ATP9A: variants seen among roughly 807,000 people sequenced by gnomAD.
ATP9A encodes the protein probable phospholipid-transporting ATPase IIA.
Under a neutral mutation model 144.1 loss-of-function variants are expected in ATP9A, and 52 were observed. The observed-to-expected ratio is 0.36, with a 90% CI of 0.29 to 0.45. ATP9A has a LOEUF of 0.45. ATP9A is among the 20% of genes least tolerant of loss of function. ATP9A has a pLI of 1.00. For missense variants in ATP9A, 947 were observed against 1,392.7 expected, an observed-to-expected ratio of 0.68 and a Z score of 5.09; for synonymous variants, 582 against 557.4, an observed-to-expected ratio of 1.04 and a Z score of -0.62.
intron 3 of ATP9A, among the ~76,000 whole-genome samples, chr20:51,716,395 G>A (rs1389115484): frequency 2.0e-5 from 3 of 151,286 alleles, no homozygotes; most frequent in East Asian, 3.9e-4. Flanking sequence ...CCAGGAGTTC[G>A]AGACCAGCCT....
At chr20:51,688,098 C>G (rs1176455906) in intron 9 of ATP9A, among the ~76,000 whole-genome samples, 1 of 152,208 alleles carries the variant, frequency 6.6e-6, no homozygotes, top group Non-Finnish European at 1.5e-5. Flanking sequence ...AGCCTCCGTT[C>G]CGTCATCTGC....
chr20:51,640,303 G>A (rs1252691465), intron 14 of ATP9A, among the ~76,000 whole-genome samples: 1 of 152,166 alleles, frequency 6.6e-6, no homozygotes, highest in African/African-American at 2.4e-5. Context: ...TGTCCCCCAG[G>A]GGACCCGCGC....
At chr20:51,633,687 A>C (rs985141515) in intron 15 of ATP9A, among the ~76,000 whole-genome samples, 3 of 152,072 alleles carry the variant, frequency 2.0e-5, no homozygotes, top group Non-Finnish European at 4.4e-5. Flanking sequence ...TCAAGGCTGC[A>C]ATGAGCCATG....
chr20:51,612,258 A>C (rs1433721797), intron 23 of ATP9A, among the ~76,000 whole-genome samples: 1 of 152,226 alleles, frequency 6.6e-6, no homozygotes, highest in African/African-American at 2.4e-5. Context: ...CGTGAGTTCC[A>C]GGATCTACTG....
Position 51,598,808 on chromosome 20 carries a change from C to A in ATP9A, c.*2403G>T, listed in dbSNP as rs908720667. Reference sequence around the variant, plus strand: ...TCAGGGACCGTCCAGTGAATGGCGTCAGCCAGCTGCCCACTGATGGGATGG... The same window carrying A: ...TCAGGGACCGTCCAGTGAATGGCGTAAGCCAGCTGCCCACTGATGGGATGG... On this transcript the variant is annotated 3_prime_UTR_variant, in exon 28 of 28. Coordinates refer to ENST00000338821, the MANE Select transcript of ATP9A (RefSeq NM_006045.3). 6 of 152,330 alleles carry A rather than the reference C, an allele frequency of 3.9e-5. No homozygotes were observed. Among genetic ancestry groups the A allele is most frequent in the Admixed American group, 1.3e-4 (2 of 15,292 alleles). 9.4% of individuals were successfully genotyped at this position (152,330 alleles called of 1,614,324 possible). A position where few individuals can be genotyped will look rare whatever the true frequency, so the allele number is the denominator to read the frequency against.
At position 51,643,850 on chromosome 20, in the gene ATP9A, T is replaced by C. The variant is rs960962698; in HGVS notation, c.1507-4346A>G. The stretch of plus-strand genomic sequence containing the variant: ...GTAATGATTCGCATATATAAAATCA[T>C]ACCAGCCAGGTGCAGTAGCTCATGT... On this transcript the variant is annotated intron_variant, in intron 14 of 27. Coordinates refer to ENST00000338821, the MANE Select transcript of ATP9A (RefSeq NM_006045.3). Among the ~76,000 whole-genome samples the C allele has an allele frequency of 1.4e-4, 22 of 152,248 alleles. 1 individual carries two copies. The highest frequency in any genetic ancestry group is 5.1e-4 in the African/African-American group (21 of 41,562).
rs76501218 is a variant in ATP9A, at chr20:51,645,594, C to T, written c.1507-6090G>A. Among the ~76,000 whole-genome samples the T allele has an allele frequency of 5.5e-3, 835 of 152,260 alleles. 7 individuals carry two copies. Among genetic ancestry groups the T allele is most frequent in the African/African-American group, 0.019 (783 of 41,546 alleles). On this transcript the variant is annotated intron_variant, in intron 14 of 27. Coordinates refer to ENST00000338821, the MANE Select transcript of ATP9A (RefSeq NM_006045.3). ...CTTTGGGAGCTGATTCCAACAGGAT[C>T]TGAGCCCTGCAGGAAGTCTTTCCTT...
At chr20:51,616,694 G>A (rs979861758) in intron 22 of ATP9A, among the ~76,000 whole-genome samples, 1 of 152,122 alleles carries the variant, frequency 6.6e-6, no homozygotes, top group Non-Finnish European at 1.5e-5. Flanking sequence ...AATTAGGGCC[G>A]AGTAAACTGT....
chr20:51,705,318 T>A (rs910058434), intron 4 of ATP9A, among the ~76,000 whole-genome samples: 1 of 152,080 alleles, frequency 6.6e-6, no homozygotes, highest in Non-Finnish European at 1.5e-5. Flanking sequence ...CACTGAAAAA[T>A]TTGTTGTCTC....
intron 9 of ATP9A, among the ~76,000 whole-genome samples, chr20:51,682,289 G>C (rs2077503079): frequency 6.6e-6 from 1 of 152,120 alleles, no homozygotes; most frequent in African/African-American, 2.4e-5. Context: ...ACTATGTTTA[G>C]GATTTTCTGT....
chr20:51,714,306 C>T (rs754779041), intron 3 of ATP9A, among the ~76,000 whole-genome samples: 12 of 152,162 alleles, frequency 7.9e-5, no homozygotes, highest in African/African-American at 2.4e-4. Context: ...CCTCAGCCTC[C>T]GGAGTAGCTG....
chr20:51,695,466 G>GGA (rs1555837684), intron 6 of ATP9A, among the ~76,000 whole-genome samples: 1 of 124,998 alleles, frequency 8.0e-6, no homozygotes, highest in Non-Finnish European at 1.6e-5. Context: ...CGGTCTCAAG[G>GGA]AAAAAAAAAA....
chr20:51,678,792 T>C (rs1288159540), intron 9 of ATP9A, among the ~76,000 whole-genome samples: 1 of 152,212 alleles, frequency 6.6e-6, no homozygotes, highest in Non-Finnish European at 1.5e-5. Context: ...CCTCTACGTC[T>C]GGCCTGGCTA....
intron 23 of ATP9A, among the ~76,000 whole-genome samples, chr20:51,610,881 G>A (rs1010629913): frequency 3.9e-5 from 6 of 152,150 alleles, no homozygotes; most frequent in African/African-American, 1.4e-4. Flanking sequence ...TTTGCAATTA[G>A]ACAAAAGCAA....
rs531710196 is a variant in ATP9A at position 51,729,464 on chromosome 20, G to A, written c.213+370C>T. 5.3e-5 allele frequency among the ~76,000 whole-genome samples: 8 copies of A among 152,228 alleles called. 1 individual carries two copies. Among genetic ancestry groups the A allele is most frequent in the Admixed American group, 3.9e-4 (6 of 15,282 alleles). On this transcript the variant is annotated intron_variant, in intron 2 of 27. Coordinates refer to ENST00000338821, the MANE Select transcript of ATP9A (RefSeq NM_006045.3). Reference sequence around the variant, plus strand: ...GAACTCAGTCTTTTAAGACTGTACCGGCGGGCAAGGTGGCTCACATCTGTA... The same window carrying A: ...GAACTCAGTCTTTTAAGACTGTACCAGCGGGCAAGGTGGCTCACATCTGTA...
intron 7 of ATP9A, among the ~76,000 whole-genome samples, chr20:51,691,603 C>T (rs1287973952): frequency 6.6e-6 from 1 of 152,202 alleles, no homozygotes; most frequent in East Asian, 1.9e-4. Flanking sequence ...AAAACAAAAA[C>T]AAGTGTGAAG....
rs1213934096 is a variant in ATP9A, at chr20:51,750,866, CACA to C, written c.68+17433_68+17435del. Among the ~76,000 whole-genome samples, 29 of 152,298 alleles carry C rather than the reference CACA, an allele frequency of 1.9e-4. No individual in the cohort carries two copies. In the South Asian group the frequency reaches 5.4e-3, roughly 28 times the overall value. ...CCAAATGGCAGGAACCCAGCAGAGA[CACA>C]CCAAGGGTCCCCACTGGCACTGCCA... On this transcript the variant is annotated intron_variant, in intron 1 of 27. Transcript: ENST00000338821.
chr20:51,672,634 T>C (rs1293611389), intron 11 of ATP9A, among the ~76,000 whole-genome samples: 2 of 152,108 alleles, frequency 1.3e-5, no homozygotes, highest in African/African-American at 2.4e-5. Flanking sequence ...CTCACCAAGA[T>C]GATCTAAATA....
chr20:51,723,011 C>G (rs1271774616), intron 3 of ATP9A, among the ~76,000 whole-genome samples: 1 of 152,128 alleles, frequency 6.6e-6, no homozygotes, highest in African/African-American at 2.4e-5. Context: ...TGATGCCCAT[C>G]AATCGACGAG....
Sources: allele counts gnomAD v4.1 joint callset (sites outside exome capture counted in the v4.1 genomes callset), GRCh38; gene constraint gnomAD v4.1.1; transcripts MANE v1.5; gene names NCBI Gene and HGNC (gene_info 2026-07-23, HGNC 2026-07-21).